Variants in CRYBG3 observed in about 807,000 individuals in gnomAD.
CRYBG3 encodes crystallin beta-gamma domain containing 3.
CRYBG3 carries 127 observed loss-of-function variants against 244.2 expected under a neutral mutation model. That is an observed-to-expected ratio of 0.52 (90% CI 0.45 to 0.60). The LOEUF is 0.60. Ranked by LOEUF, CRYBG3 falls within the 20% of genes least tolerant of loss-of-function variation. The probability of loss-of-function intolerance (pLI) is 0.00; values close to 1 mark genes in which losing one functional copy is unlikely to be tolerated. For synonymous variants in CRYBG3, 1,132 were observed against 1,195.8 expected (o/e 0.95, Z 1.10); for missense variants, 3,325 against 3,442.5 (o/e 0.97, Z 0.85).
intron 17 of CRYBG3, among the ~76,000 whole-genome samples, chr3:97,922,568 C>G (rs1193874869): frequency 2.0e-5 from 3 of 152,080 alleles, no homozygotes; most frequent in Non-Finnish European, 2.9e-5. Flanking sequence ...ATTTATGCAG[C>G]CAATAGACAA....
chr3:97,850,172 T>C (rs983590461), intron 2 of CRYBG3, among the ~76,000 whole-genome samples: 6 of 152,158 alleles, frequency 3.9e-5, no homozygotes, highest in Non-Finnish European at 8.8e-5. Context: ...GGAATGAATC[T>C]AGTGTTTTAT....
chr3:97,944,964 T>C lies in CRYBG3; in HGVS notation c.*1650T>C, dbSNP rs756443007. The C allele has an allele frequency of 1.6e-5, 6 of 372,542 alleles. No individual in the cohort carries two copies. Among genetic ancestry groups the C allele is most frequent in the Non-Finnish European group, 2.4e-5 (5 of 208,282 alleles). 23.1% of individuals were successfully genotyped at this position (372,542 alleles called of 1,614,324 possible). A position where few individuals can be genotyped will look rare whatever the true frequency, so the allele number is the denominator to read the frequency against. ...TGGATTAAATAAACTTGTCAAAATA[T>C]GGTTTTGTCATTTTCTGAGACACTT... On this transcript the variant is annotated 3_prime_UTR_variant, in exon 22 of 22. Transcript: ENST00000389622.
chr3:97,940,056 A>G (rs1180630863), intron 19 of CRYBG3, among the ~76,000 whole-genome samples: 4 of 151,992 alleles, frequency 2.6e-5, no homozygotes, highest in African/African-American at 9.7e-5. Flanking sequence ...TTAAGAGACC[A>G]TTTGTTATTA....
intron 15 of CRYBG3, among the ~76,000 whole-genome samples, chr3:97,908,178 A>G (rs1425963317): frequency 5.3e-5 from 8 of 152,100 alleles, no homozygotes; most frequent in Non-Finnish European, 1.2e-4. Flanking sequence ...TATGTGGTCA[A>G]TTTTGGAATA....
intron 1 of CRYBG3, among the ~76,000 whole-genome samples, chr3:97,839,682 C>G (rs1166490975): frequency 1.3e-5 from 2 of 151,752 alleles, no homozygotes; most frequent in Non-Finnish European, 2.9e-5. Context: ...GGGTCTCACT[C>G]TATCACCCAG....
At chr3:97,892,731 CT>C (rs1037234178) in intron 10 of CRYBG3, 128 bp from the exon 11 acceptor site, 2 of 524,630 alleles carry the variant, frequency 3.8e-6, no homozygotes, top group Non-Finnish European at 6.4e-6. Context: ...TTTCCATGAA[CT>C]TTTTGAAATC....
intron 21 of CRYBG3, 69 bp from the exon 22 acceptor site, chr3:97,943,157 G>C: frequency 2.4e-6 from 2 of 840,092 alleles, no homozygotes; most frequent in Non-Finnish European, 3.9e-6. Context: ...ACAGAAGCTT[G>C]TGAAAATTGT....
chr3:97,942,468 T>C, intron 21 of CRYBG3, 25 bp downstream of exon 21: 1 of 1,586,062 alleles, frequency 6.3e-7, no homozygotes, highest in Non-Finnish European at 8.6e-7. Context: ...ATACCCAATG[T>C]TGTGTCCCTG....
intron 10 of CRYBG3, 56 bp from the exon 11 acceptor site, chr3:97,892,803 TC>T (rs2039595923): frequency 1.4e-5 from 12 of 867,482 alleles, no homozygotes; most frequent in African/African-American, 1.8e-5. Context: ...GTCTTTGGTG[TC>T]ACTTAAGTAA....
chr3:97,887,868 T>C (rs2039527823), intron 8 of CRYBG3, among the ~76,000 whole-genome samples: 1 of 152,170 alleles, frequency 6.6e-6, no homozygotes, highest in African/African-American at 2.4e-5. Context: ...GATGGGTCTT[T>C]TGGGAATCCA....
chr3:97,861,998 A>G (rs1424653708), intron 2 of CRYBG3, among the ~76,000 whole-genome samples: 2 of 152,160 alleles, frequency 1.3e-5, no homozygotes, highest in Non-Finnish European at 2.9e-5. Flanking sequence ...AAGCAACTAA[A>G]ACATTTAAGG....
intron 12 of CRYBG3, among the ~76,000 whole-genome samples, chr3:97,898,523 C>T (rs1310244796): frequency 1.3e-5 from 2 of 152,100 alleles, no homozygotes; most frequent in Non-Finnish European, 2.9e-5. Flanking sequence ...CACACATTGC[C>T]ACAGTACACT....
At chr3:97,839,722 G>T (rs1322749838) in intron 1 of CRYBG3, among the ~76,000 whole-genome samples, 1 of 151,678 alleles carries the variant, frequency 6.6e-6, no homozygotes, top group Non-Finnish European at 1.5e-5. Context: ...TGAATAGCTG[G>T]GACTACAAAC....
intron 12 of CRYBG3, among the ~76,000 whole-genome samples, chr3:97,897,551 G>A (rs539939657): frequency 3.9e-5 from 6 of 152,124 alleles, no homozygotes; most frequent in Non-Finnish European, 5.9e-5. Flanking sequence ...GAAAAGCAGC[G>A]ATGGTAGTAA....
At chr3:97,834,925 C>T (rs1001237832) in intron 1 of CRYBG3, among the ~76,000 whole-genome samples, 7 of 152,084 alleles carry the variant, frequency 4.6e-5, no homozygotes, top group Middle Eastern at 3.4e-3. Flanking sequence ...TATAAGAGGA[C>T]GAAAAAGCAA....
At chr3:97,854,041 G>A (rs1307407971) in intron 2 of CRYBG3, among the ~76,000 whole-genome samples, 1 of 152,122 alleles carries the variant, frequency 6.6e-6, no homozygotes, top group Non-Finnish European at 1.5e-5. Context: ...TCTTTGACAT[G>A]TGGCTTGCCA....
intron 15 of CRYBG3, among the ~76,000 whole-genome samples, chr3:97,911,351 T>C (rs1327177627): frequency 6.6e-6 from 1 of 152,158 alleles, no homozygotes; most frequent in Non-Finnish European, 1.5e-5. Flanking sequence ...TACGGGCTCT[T>C]TAATTTTTTT....
intron 18 of CRYBG3, among the ~76,000 whole-genome samples, chr3:97,934,152 C>G (rs1281538332): frequency 6.6e-6 from 1 of 152,048 alleles, no homozygotes; most frequent in African/African-American, 2.4e-5. Context: ...GCCATGTATT[C>G]TAGAGCAGTT....
chr3:97,862,906 T>G (rs994759898), intron 2 of CRYBG3, among the ~76,000 whole-genome samples: 1 of 152,214 alleles, frequency 6.6e-6, no homozygotes, highest in Non-Finnish European at 1.5e-5. Context: ...AAGTATTGTT[T>G]GCTTGCAATC....
Sources: gnomAD v4.1 joint callset for allele counts (sites outside exome capture counted in the v4.1 genomes callset) on GRCh38, gnomAD v4.1.1 for gene constraint, MANE v1.5 for transcripts, NCBI Gene and HGNC (gene_info 2026-07-23, HGNC 2026-07-21) for gene names.